KCNMB4: variants seen among roughly 807,000 people sequenced by gnomAD.
KCNMB4 encodes the protein potassium calcium-activated channel subfamily M regulatory beta subunit 4.
In KCNMB4, 3 loss-of-function variants were observed where a neutral mutation model predicts 20.7. The ratio of observed to expected loss-of-function variants is 0.14; its 90% CI spans 0.07 to 0.37. KCNMB4 has a LOEUF of 0.37. KCNMB4 is among the 10% of genes least tolerant of loss of function. The pLI is 1.00. For missense variants in KCNMB4, 168 were observed against 265.9 expected, an observed-to-expected ratio of 0.63 and a Z score of 2.56; for synonymous variants, 110 against 113.4, an observed-to-expected ratio of 0.97 and a Z score of 0.19.
chr12:70,395,789 G>T (rs1868345968), intron 1 of KCNMB4, among the ~76,000 whole-genome samples: 1 of 152,136 alleles, frequency 6.6e-6, no homozygotes, highest in Admixed American at 6.5e-5. Flanking sequence ...AACAATATGG[G>T]CTCTAGTGAA....
rs1869430188 is a variant in KCNMB4 at position 70,433,879 on chromosome 12, A to G, written c.*3226A>G. ...GCCCCGTCTGAAACTTTTGAGGGAC[A>G]TCGCAGCTTTTGCAGCCCCTGCTTG... On this transcript the variant is annotated 3_prime_UTR_variant, in exon 3 of 3. Coordinates refer to ENST00000258111, the MANE Select transcript of KCNMB4 (RefSeq NM_014505.6). The G allele has an allele frequency of 6.6e-6, 1 of 152,276 alleles. No individual in the cohort carries two copies. 9.4% of individuals were successfully genotyped at this position (152,276 alleles called of 1,614,324 possible).
In KCNMB4 at chr12:70,433,998, C is replaced by T. The variant is rs1324965076; in HGVS notation, c.*3345C>T. 6.6e-6 allele frequency: 1 copy of T among 152,182 alleles called. No homozygotes were observed. The highest frequency in any genetic ancestry group is 1.5e-5 in the Non-Finnish European group (1 of 68,058). 9.4% of individuals were successfully genotyped at this position (152,182 alleles called of 1,614,324 possible). ...TTAGTTCATTTGACTGTAATAAAGA[C>T]GTCAATGCCGTTTTTAATGTTTGAC... On this transcript the variant is annotated 3_prime_UTR_variant, in exon 3 of 3. Transcript: ENST00000258111.
intron 1 of KCNMB4, among the ~76,000 whole-genome samples, chr12:70,374,954 CCAAA>C (rs1253760534): frequency 6.6e-6 from 1 of 152,098 alleles, no homozygotes; most frequent in East Asian, 1.9e-4. Context: ...TTGTCTTTAT[CCAAA>C]CAGTTTTATT....
chr12:70,391,893 G>A (rs185782455), intron 1 of KCNMB4, among the ~76,000 whole-genome samples: 1 of 152,270 alleles, frequency 6.6e-6, no homozygotes, highest in East Asian at 1.9e-4. Flanking sequence ...TCTCAATTGA[G>A]GAGTGCCAAC....
intron 2 of KCNMB4, among the ~76,000 whole-genome samples, chr12:70,404,425 GT>G (rs1313950833): frequency 6.6e-6 from 1 of 152,128 alleles, no homozygotes; most frequent in African/African-American, 2.4e-5. Flanking sequence ...ATGACATTTT[GT>G]TTAGATTACT....
At chr12:70,367,232 C>A (rs1883511448) in intron 1 of KCNMB4, among the ~76,000 whole-genome samples, 162 bp downstream of exon 1, 1 of 152,036 alleles carries the variant, frequency 6.6e-6, no homozygotes, top group Admixed American at 6.6e-5. Flanking sequence ...CATCAGGGAG[C>A]CCCAGGGCTC....
chr12:70,391,358 AG>A (rs1868297807), intron 1 of KCNMB4, among the ~76,000 whole-genome samples: 1 of 151,818 alleles, frequency 6.6e-6, no homozygotes, highest in African/African-American at 2.4e-5. Flanking sequence ...GCTGGAGTGC[AG>A]TGGCACAATC....
chr12:70,383,017 A>C (rs1447860113), intron 1 of KCNMB4, among the ~76,000 whole-genome samples: 1 of 152,214 alleles, frequency 6.6e-6, no homozygotes, highest in African/African-American at 2.4e-5. Context: ...AGGCAGTTGT[A>C]GCAGAATGGT....
chr12:70,368,717 A>AAGAT (rs1202844783), intron 1 of KCNMB4, among the ~76,000 whole-genome samples: 2 of 152,158 alleles, frequency 1.3e-5, no homozygotes, highest in Non-Finnish European at 2.9e-5. Flanking sequence ...TAATTATTTT[A>AAGAT]AGATAGTGGT....
At chr12:70,386,578 T>C (rs1236204849) in intron 1 of KCNMB4, among the ~76,000 whole-genome samples, 4 of 148,150 alleles carry the variant, frequency 2.7e-5, no homozygotes, top group African/African-American at 1.0e-4. Flanking sequence ...ATTGTAGCCT[T>C]TTTGTTTGTT....
intron 1 of KCNMB4, among the ~76,000 whole-genome samples, chr12:70,382,432 CAAAAAA>C (rs397796979): frequency 1.1e-5 from 1 of 87,980 alleles, no homozygotes. Context: ...GACTCCGTCT[CAAAAAA>C]AAAAAAAAAA....
intron 1 of KCNMB4, among the ~76,000 whole-genome samples, chr12:70,373,053 T>C (rs1883626731): frequency 6.6e-6 from 1 of 152,022 alleles, no homozygotes; most frequent in Admixed American, 6.6e-5. Context: ...ACAGGGCACA[T>C]AGAATGAGGT....
At chr12:70,418,614 G>A (rs1868971809) in intron 2 of KCNMB4, among the ~76,000 whole-genome samples, 2 of 152,112 alleles carry the variant, frequency 1.3e-5, no homozygotes, top group African/African-American at 2.4e-5. Context: ...TTTGCTCCGT[G>A]ATTAATCCTT....
intron 2 of KCNMB4, 58 bp from the exon 3 acceptor site, chr12:70,430,427 T>G: frequency 6.3e-7 from 1 of 1,581,824 alleles, no homozygotes; most frequent in South Asian, 1.1e-5. Flanking sequence ...TTGTAAAGAG[T>G]TTTTCAGTGC....
At chr12:70,370,598 G>A (rs1482032498) in intron 1 of KCNMB4, among the ~76,000 whole-genome samples, 2 of 151,514 alleles carry the variant, frequency 1.3e-5, no homozygotes, top group Admixed American at 6.6e-5. Flanking sequence ...ATGAGCCACC[G>A]CGCCCGGCCA....
intron 1 of KCNMB4, 148 bp downstream of exon 1, chr12:70,367,218 A>G: frequency 1.7e-6 from 1 of 574,518 alleles, no homozygotes; most frequent in Middle Eastern, 4.1e-4. Context: ...ACCAGGAATG[A>G]CTACATCAGG....
intron 2 of KCNMB4, among the ~76,000 whole-genome samples, chr12:70,412,316 G>A (rs1345300383): frequency 6.6e-6 from 1 of 151,460 alleles, no homozygotes; most frequent in African/African-American, 2.4e-5. Flanking sequence ...AAACAGGAGA[G>A]TGGACATCTA....
At chr12:70,405,646 A>G (rs1388310526) in intron 2 of KCNMB4, among the ~76,000 whole-genome samples, 1 of 152,186 alleles carries the variant, frequency 6.6e-6, no homozygotes, top group Non-Finnish European at 1.5e-5. Flanking sequence ...TATTTCTCCA[A>G]AAGACTTGAA....
intron 2 of KCNMB4, among the ~76,000 whole-genome samples, chr12:70,415,179 A>G (rs183583041): frequency 6.6e-6 from 1 of 152,322 alleles, no homozygotes; most frequent in East Asian, 1.9e-4. Flanking sequence ...CATTTTATAC[A>G]TGAGGGAACT....
Sources: allele counts gnomAD v4.1 joint callset (sites outside exome capture counted in the v4.1 genomes callset), GRCh38; gene constraint gnomAD v4.1.1; transcripts MANE v1.5; gene names NCBI Gene and HGNC (gene_info 2026-07-23, HGNC 2026-07-21).